RABGAP1L: variants seen among roughly 807,000 people sequenced by gnomAD.
The protein encoded by RABGAP1L is rab GTPase-activating protein 1-like.
Under a neutral mutation model 137.7 loss-of-function variants are expected in RABGAP1L, and 63 were observed. That is an observed-to-expected ratio of 0.46 (90% CI 0.37 to 0.56). The LOEUF is 0.56. Among genes scored for constraint, RABGAP1L ranks in the 20% least tolerant of loss-of-function variants. RABGAP1L has a pLI of 0.00. For synonymous variants in RABGAP1L, 431 were observed against 433.7 expected (o/e 0.99, Z 0.08); for missense variants, 1,095 against 1,244.0 (o/e 0.88, Z 1.80).
intron 7 of RABGAP1L, among the ~76,000 whole-genome samples, chr1:174,256,616 A>T (rs1279564665): frequency 6.6e-6 from 1 of 152,170 alleles, no homozygotes; most frequent in African/African-American, 2.4e-5. Flanking sequence ...CCCCGTCTCT[A>T]CTAAAAATAT....
chr1:174,712,778 T>G (rs749384938), intron 17 of RABGAP1L, among the ~76,000 whole-genome samples: 33 of 152,160 alleles, frequency 2.2e-4, no homozygotes, highest in East Asian at 3.9e-4. Context: ...TTTATTGACT[T>G]ACTTACTTAC....
At chr1:174,292,043 A>C (rs1324858282) in intron 10 of RABGAP1L, among the ~76,000 whole-genome samples, 1 of 145,614 alleles carries the variant, frequency 6.9e-6, no homozygotes, top group Non-Finnish European at 1.5e-5. Context: ...TATTATTATT[A>C]TTATTATTAT....
intron 1 of RABGAP1L, among the ~76,000 whole-genome samples, chr1:174,183,811 C>G (rs1250186369): frequency 6.6e-6 from 1 of 151,600 alleles, no homozygotes; most frequent in Non-Finnish European, 1.5e-5. Context: ...AATACTTTTG[C>G]CTTTTCCAGA....
intron 13 of RABGAP1L, among the ~76,000 whole-genome samples, chr1:174,458,970 A>G (rs1656358557): frequency 6.6e-6 from 1 of 152,178 alleles, no homozygotes; most frequent in African/African-American, 2.4e-5. Flanking sequence ...TCTAAAACAT[A>G]TATGACTTAA....
At chr1:174,540,574 T>G (rs1300063005) in intron 13 of RABGAP1L, among the ~76,000 whole-genome samples, 1 of 152,230 alleles carries the variant, frequency 6.6e-6, no homozygotes, top group African/African-American at 2.4e-5. Flanking sequence ...TTCTTGTTTT[T>G]GTCAGGTTTG....
Position 174,448,496 on chromosome 1 carries a change from A to G in RABGAP1L, c.1710+54351A>G, listed in dbSNP as rs1234665925. The G allele has an allele frequency of 3.7e-6, 6 of 1,613,778 alleles. No individual in the cohort carries two copies. The East Asian group carries it at 6.7e-5, about 18-fold the overall frequency. ...CATCTCAGTTCTAAAAAGTGTTTCTATGGCATGTCTTGCTTGCATCAGTGT... is the reference window on the plus strand; with the variant it reads ...CATCTCAGTTCTAAAAAGTGTTTCTGTGGCATGTCTTGCTTGCATCAGTGT... On this transcript the variant is annotated intron_variant, in intron 13 of 25. Coordinates refer to ENST00000681986, the MANE Select transcript of RABGAP1L (RefSeq NM_001366446.1). This position sits in a 1 kb window ranked among gnomAD's most constrained non-coding sequence, Gnocchi z 4.2.
intron 19 of RABGAP1L, among the ~76,000 whole-genome samples, chr1:174,840,942 A>G (rs1389392867): frequency 1.3e-5 from 2 of 152,150 alleles, no homozygotes; most frequent in Non-Finnish European, 2.9e-5. Context: ...ACTGTCAGAC[A>G]AGATTGAATT....
chr1:174,289,963 T>C (rs1676430041), intron 10 of RABGAP1L, among the ~76,000 whole-genome samples: 1 of 152,178 alleles, frequency 6.6e-6, no homozygotes. Flanking sequence ...GGCTGGAAGC[T>C]GTGCCCCACT....
At position 174,753,030 on chromosome 1, in the gene RABGAP1L, GTA is replaced by G. The variant is rs1321812316; in HGVS notation, c.2211+679_2211+680del. 5.9e-5 allele frequency among the ~76,000 whole-genome samples: 9 copies of G among 152,300 alleles called. No homozygotes were observed. In the East Asian group the frequency reaches 1.7e-3, roughly 29 times the overall value. On this transcript the variant is annotated intron_variant, in intron 18 of 25. Coordinates refer to ENST00000681986, the MANE Select transcript of RABGAP1L (RefSeq NM_001366446.1). ...AAGGCACAGGCTTACCCTTTCCTCA[GTA>G]TAACATGGTGGTTAAAATGGCAGAC...
At chr1:174,643,072 A>T (rs1269241175) in intron 14 of RABGAP1L, among the ~76,000 whole-genome samples, 1 of 152,082 alleles carries the variant, frequency 6.6e-6, no homozygotes, top group Non-Finnish European at 1.5e-5. Context: ...GGCGTGAGCC[A>T]CTGTGCCCAG....
chr1:174,596,396 A>G (rs1041116555), intron 13 of RABGAP1L, among the ~76,000 whole-genome samples: 2 of 151,928 alleles, frequency 1.3e-5, no homozygotes, highest in African/African-American at 4.8e-5. Flanking sequence ...AGTTTCTTTC[A>G]TCAGTGTTTT....
At chr1:174,695,659 C>T (rs923037366) in intron 15 of RABGAP1L, among the ~76,000 whole-genome samples, 2 of 152,084 alleles carry the variant, frequency 1.3e-5, no homozygotes, top group Admixed American at 1.3e-4. Context: ...ATTCTTGATG[C>T]TTGTGGATGT....
At chr1:174,529,240 A>G (rs551533045) in intron 13 of RABGAP1L, among the ~76,000 whole-genome samples, 7 of 152,094 alleles carry the variant, frequency 4.6e-5, no homozygotes, top group African/African-American at 1.2e-4. Flanking sequence ...ATTAATATCT[A>G]TACATCTCAT....
intron 13 of RABGAP1L, chr1:174,547,749 G>GT: frequency 8.9e-7 from 1 of 1,128,696 alleles, no homozygotes; most frequent in Non-Finnish European, 1.3e-6. Flanking sequence ...TGGAGTCATT[G>GT]TATTTGTATT....
At chr1:174,964,189 G>C (rs1351205128) in intron 20 of RABGAP1L, among the ~76,000 whole-genome samples, 2 of 152,126 alleles carry the variant, frequency 1.3e-5, no homozygotes, top group Admixed American at 1.3e-4. Flanking sequence ...AAGAAAATAT[G>C]TGAGAGTTGA....
intron 13 of RABGAP1L, among the ~76,000 whole-genome samples, chr1:174,550,908 A>AC (rs1334570419): frequency 2.1e-5 from 1 of 48,630 alleles, no homozygotes; most frequent in African/African-American, 1.3e-4. Context: ...ACACACACAT[A>AC]TACACACACA....
chr1:174,275,749 T>C, intron 8 of RABGAP1L, 84 bp from the exon 9 acceptor site: 1 of 965,356 alleles, frequency 1.0e-6, no homozygotes, highest in Admixed American at 2.4e-5. Flanking sequence ...TTTTAATAAT[T>C]TGTATTGCTT....
chr1:174,973,983 T>TTTG (rs1176188612), intron 21 of RABGAP1L, among the ~76,000 whole-genome samples: 1 of 66,312 alleles, frequency 1.5e-5, no homozygotes, highest in African/African-American at 4.6e-5. Flanking sequence ...TTTTTTGTTT[T>TTTG]TTTTTTTTTT....
At chr1:174,277,914 G>C (rs932128779) in intron 9 of RABGAP1L, among the ~76,000 whole-genome samples, 2 of 152,142 alleles carry the variant, frequency 1.3e-5, no homozygotes, top group Admixed American at 1.3e-4. Flanking sequence ...TTGAATTTGA[G>C]AAGTAGTTGA....
Sources: allele counts gnomAD v4.1 joint callset (sites outside exome capture counted in the v4.1 genomes callset), GRCh38; gene constraint gnomAD v4.1.1; non-coding constraint Gnocchi (gnomAD v3.1); transcripts MANE v1.5; gene names NCBI Gene and HGNC (gene_info 2026-07-23, HGNC 2026-07-21).